Variants in OTUD6B observed in about 807,000 individuals in gnomAD.
The protein encoded by OTUD6B is deubiquitinase OTUD6B.
Under a neutral mutation model 36.9 loss-of-function variants are expected in OTUD6B, and 41 were observed. That is an observed-to-expected ratio of 1.11 (90% CI 0.87 to 1.44). The LOEUF is 1.44. Among genes scored for constraint, OTUD6B ranks in the 40% most tolerant of loss-of-function variants. OTUD6B has a pLI of 0.00. For missense variants in OTUD6B, 356 were observed against 344.8 expected (o/e 1.03, Z -0.26); for synonymous variants, 114 against 114.2 (o/e 1.00, Z 0.01).
At position 91,084,764 on chromosome 8, in the gene OTUD6B, C is replaced by CTTT. The variant is rs748645688; in HGVS notation, c.798-11_798-9dup. Reference sequence around the variant, plus strand: ...TTGCTTTCATCAAAACTACTCATTTCTTTTTTTTTTTAATTTCAGATATAT... The same window carrying CTTT: ...TTGCTTTCATCAAAACTACTCATTTCTTTTTTTTTTTTTTAATTTCAGATATAT... On this transcript the variant is annotated intron_variant, in intron 6 of 6. Transcript: ENST00000404789. 6.1e-6 allele frequency: 7 copies of CTTT among 1,148,702 alleles called. No individual in the cohort carries two copies. Among genetic ancestry groups the CTTT allele is most frequent in the African/African-American group, 5.0e-5 (3 of 60,486 alleles). 71.2% of individuals were successfully genotyped at this position (1,148,702 alleles called of 1,614,324 possible).
At position 91,073,885 on chromosome 8, in the gene OTUD6B, C is replaced by T. The variant is rs761870386; in HGVS notation, c.289C>T (p.Arg97Trp). ...SNLVLENQPP[R>W]ISKAQKRREK... The stretch of plus-strand genomic sequence containing the variant: ...CTTGGTGCTTGAGAATCAGCCACCT[C>T]GGATATCAAAAGCACAAAAGAGACG... Residue 97 changes from arginine to tryptophan, a missense_variant, in exon 3 of 7, where the codon CGG becomes TGG. Transcript: ENST00000404789. 39 of 1,592,790 alleles carry T rather than the reference C, an allele frequency of 2.4e-5. No homozygotes were observed. Among genetic ancestry groups the T allele is most frequent in the African/African-American group, 1.7e-4 (13 of 74,488 alleles).
intron 3 of OTUD6B, chr8:91,076,747 T>C: frequency 2.3e-6 from 2 of 852,030 alleles, no homozygotes; most frequent in Non-Finnish European, 3.8e-6. Flanking sequence ...TATTCTTCCT[T>C]TCCCCTCTGA....
At chr8:91,075,804 A>G (rs534149879) in intron 3 of OTUD6B, among the ~76,000 whole-genome samples, 1 of 152,242 alleles carries the variant, frequency 6.6e-6, no homozygotes, top group East Asian at 1.9e-4. Context: ...TTTTGCTAGA[A>G]GCACCAAGGA....
At chr8:91,077,569 T>C (rs2130434919) in intron 3 of OTUD6B, among the ~76,000 whole-genome samples, 1 of 152,152 alleles carries the variant, frequency 6.6e-6, no homozygotes, top group African/African-American at 2.4e-5. Context: ...CTATTCTTCA[T>C]GTCACAAATC....
chr8:91,080,230 C>A (rs1295732898), intron 4 of OTUD6B, among the ~76,000 whole-genome samples: 1 of 152,118 alleles, frequency 6.6e-6, no homozygotes, highest in East Asian at 1.9e-4. Context: ...TACTCGAATT[C>A]TCTTCGTATA....
At chr8:91,072,682 G>A (rs1391251197) in intron 2 of OTUD6B, among the ~76,000 whole-genome samples, 2 of 152,022 alleles carry the variant, frequency 1.3e-5, no homozygotes, top group Non-Finnish European at 2.9e-5. Flanking sequence ...GATACTCCAG[G>A]CGTTAAATTG....
intron 3 of OTUD6B, among the ~76,000 whole-genome samples, chr8:91,077,147 ATTC>A (rs1388164716): frequency 6.6e-6 from 1 of 152,020 alleles, no homozygotes; most frequent in East Asian, 1.9e-4. Context: ...CTTAGTTTTT[ATTC>A]TTAAATTATA....
At chr8:91,078,113 G>T (rs1380810091) in intron 3 of OTUD6B, 10 of 334,260 alleles carry the variant, frequency 3.0e-5, no homozygotes, top group Non-Finnish European at 3.8e-5. Context: ...AGACTTTAAA[G>T]AAAAATTAGA....
intron 4 of OTUD6B, among the ~76,000 whole-genome samples, chr8:91,079,708 C>T (rs1288679530): frequency 6.6e-6 from 1 of 152,078 alleles, no homozygotes; most frequent in Non-Finnish European, 1.5e-5. Flanking sequence ...ACTCTTCTGT[C>T]ATTTATCTCC....
chr8:91,073,756 TG>T, intron 2 of OTUD6B, 74 bp from the exon 3 acceptor site: 1 of 1,434,682 alleles, frequency 7.0e-7, no homozygotes, highest in South Asian at 1.4e-5. Context: ...ATTTGAAATG[TG>T]GGATTAGATA....
At chr8:91,074,640 TTAGA>T (rs550039358) in intron 3 of OTUD6B, among the ~76,000 whole-genome samples, 46 of 152,194 alleles carry the variant, frequency 3.0e-4, no homozygotes, top group Non-Finnish European at 5.4e-4. Flanking sequence ...GGAAATGAGA[TTAGA>T]TAGGTAAGTC....
At chr8:91,083,829 C>A in intron 5 of OTUD6B, 179 bp from the exon 6 acceptor site, 1 of 297,248 alleles carries the variant, frequency 3.4e-6, no homozygotes, top group Non-Finnish European at 5.0e-6. Flanking sequence ...AAGGGATATT[C>A]AACCTGTATT....
rs1179978542 is a variant in OTUD6B, at chr8:91,085,018, T to C, written c.*150T>C. 1 of 403,298 alleles carries C rather than the reference T, an allele frequency of 2.5e-6. No individual in the cohort carries two copies. The highest frequency in any genetic ancestry group is 5.1e-4 in the Middle Eastern group (1 of 1,960). The allele number at this position is 403,298 out of a possible 1,614,324, so 25.0% of individuals were successfully genotyped here. ...CTACTAACAGGTGTTTTTAGAAATA[T>C]GTCAGAGATAAACTTTAACCAGTGT... On this transcript the variant is annotated 3_prime_UTR_variant, in exon 7 of 7. Coordinates refer to ENST00000404789, the MANE Select transcript of OTUD6B (RefSeq NM_016023.5).
intron 5 of OTUD6B, among the ~76,000 whole-genome samples, chr8:91,082,366 C>T (rs907994945): frequency 2.0e-5 from 3 of 151,854 alleles, no homozygotes; most frequent in East Asian, 3.9e-4. Flanking sequence ...CCCCATAGAT[C>T]GGGGCATTAT....
chr8:91,083,205 G>A (rs2130445281), intron 5 of OTUD6B, among the ~76,000 whole-genome samples: 1 of 152,088 alleles, frequency 6.6e-6, no homozygotes, highest in Non-Finnish European at 1.5e-5. Context: ...TAGAACAGTG[G>A]TTGTCAACAG....
chr8:91,080,757 T>G lies in OTUD6B; in HGVS notation c.690+27T>G, dbSNP rs185759568. ...TAAGTTTGTAGTTATTCATAGTGAT[T>G]GTGGGTTGTTAAATTATTTCTAAAT... On this transcript the variant is annotated intron_variant, in intron 5 of 6. Coordinates refer to ENST00000404789, the MANE Select transcript of OTUD6B (RefSeq NM_016023.5). 245 of 1,530,358 alleles carry G rather than the reference T, an allele frequency of 1.6e-4. No homozygotes were observed. The Admixed American group carries it at 1.9e-3, about 12-fold the overall frequency. The allele number at this position is 1,530,358 out of a possible 1,614,324, so 94.8% of individuals were successfully genotyped here.
At chr8:91,070,511 G>A (rs1445255355) in intron 1 of OTUD6B, 45 bp downstream of exon 1, 3 of 1,540,936 alleles carry the variant, frequency 1.9e-6, no homozygotes, top group Middle Eastern at 1.8e-4. Flanking sequence ...CGCGACTGGG[G>A]GAAGGGCGCG....
rs1812998387 is a variant in OTUD6B at position 91,085,521 on chromosome 8, CA to C, written c.*656del. 1 of 151,860 alleles carries C rather than the reference CA, an allele frequency of 6.6e-6. No individual in the cohort carries two copies. Among genetic ancestry groups the C allele is most frequent in the African/African-American group, 2.4e-5 (1 of 41,394 alleles). 9.4% of individuals were successfully genotyped at this position (151,860 alleles called of 1,614,324 possible). ...TCAAAGGTAAATAGGTATTCTCTGTCAAATTTAAATCTCTAAAGAATTAGAG... is the reference window on the plus strand; with the variant it reads ...TCAAAGGTAAATAGGTATTCTCTGTCAATTTAAATCTCTAAAGAATTAGAG... On this transcript the variant is annotated 3_prime_UTR_variant, in exon 7 of 7. Coordinates refer to ENST00000404789, the MANE Select transcript of OTUD6B (RefSeq NM_016023.5).
Position 91,080,609 on chromosome 8 carries a change from G to A in OTUD6B, c.629-60G>A, listed in dbSNP as rs1156609900. On this transcript the variant is annotated intron_variant, in intron 4 of 6. Transcript: ENST00000404789. ...CAGGAATTGTGGGAACTATAAAAGG[G>A]ATTTTGTAACATGAGTTACAAAAAT... is the stretch of plus-strand genomic sequence containing the variant. The A allele has an allele frequency of 2.5e-5, 39 of 1,537,676 alleles. No homozygotes were observed. The East Asian group carries it at 8.7e-4, about 34-fold the overall frequency.
Sources: allele counts gnomAD v4.1 joint callset (sites outside exome capture counted in the v4.1 genomes callset), GRCh38; gene constraint gnomAD v4.1.1; transcripts MANE v1.5; gene names NCBI Gene and HGNC (gene_info 2026-07-23, HGNC 2026-07-21).